The following NOL4L variants were observed in gnomAD, a reference collection of about 807,000 sequenced individuals.
NOL4L encodes the protein nucleolar protein 4-like.
In NOL4L, 7 loss-of-function variants were observed where a neutral mutation model predicts 64.5. The ratio of observed to expected loss-of-function variants is 0.11; its 90% CI spans 0.06 to 0.20. The LOEUF (loss-of-function observed/expected upper bound fraction) is 0.20, where lower values mean the gene tolerates loss of function less well. Among genes scored for constraint, NOL4L ranks in the 10% least tolerant of loss-of-function variants. The pLI is 1.00. For missense variants in NOL4L, 680 were observed against 967.1 expected (o/e 0.70, Z 3.94); for synonymous variants, 413 against 401.0 (o/e 1.03, Z -0.36).
intron 4 of NOL4L, among the ~76,000 whole-genome samples, chr20:32,478,947 A>G (rs1300357246): frequency 6.6e-6 from 1 of 152,190 alleles, no homozygotes; most frequent in East Asian, 1.9e-4. Context: ...AAAACACACA[A>G]TACAAAAATA....
intron 1 of NOL4L, among the ~76,000 whole-genome samples, chr20:32,530,494 TCGCGCCAC>T (rs1045035685): frequency 4.6e-5 from 7 of 151,120 alleles, no homozygotes; most frequent in African/African-American, 1.7e-4. Context: ...TGAGCCGAGA[TCGCGCCAC>T]CGCACTCCAG....
At chr20:32,494,818 A>G (rs960429221) in intron 4 of NOL4L, among the ~76,000 whole-genome samples, 1 of 152,188 alleles carries the variant, frequency 6.6e-6, no homozygotes, top group African/African-American at 2.4e-5. Flanking sequence ...CACCAACCCA[A>G]CATTGCAAAT....
At chr20:32,495,740 T>G (rs1456660944) in intron 4 of NOL4L, among the ~76,000 whole-genome samples, 2 of 151,992 alleles carry the variant, frequency 1.3e-5, no homozygotes, top group African/African-American at 4.8e-5. Context: ...GGGGAATGCT[T>G]AAGCCCAGGA....
chr20:32,489,459 A>C (rs1477923265), intron 4 of NOL4L, among the ~76,000 whole-genome samples: 1 of 151,910 alleles, frequency 6.6e-6, no homozygotes, highest in Non-Finnish European at 1.5e-5. Context: ...GACTCAAGCA[A>C]TCCTCCTGCC....
At chr20:32,556,096 A>C (rs1175019210) in intron 1 of NOL4L, among the ~76,000 whole-genome samples, 1 of 152,196 alleles carries the variant, frequency 6.6e-6, no homozygotes, top group African/African-American at 2.4e-5. Flanking sequence ...CCAGGTGCAT[A>C]GTAGGCCCCC....
intron 1 of NOL4L, among the ~76,000 whole-genome samples, chr20:32,530,432 T>C (rs2018303024): frequency 6.6e-6 from 1 of 151,912 alleles, no homozygotes; most frequent in Non-Finnish European, 1.5e-5. Flanking sequence ...TCCCGGCTAC[T>C]CGGGAGGCTG....
chr20:32,455,265 A>G lies in NOL4L; in HGVS notation c.1119+853T>C, dbSNP rs561359050. Reference sequence around the variant, plus strand: ...TCACCCCCTTCATGGAACAGCAGCTATGCCTGTCCCTTGGACCCAGGCAAA... The same window carrying G: ...TCACCCCCTTCATGGAACAGCAGCTGTGCCTGTCCCTTGGACCCAGGCAAA... On this transcript the variant is annotated intron_variant, in intron 6 of 10. Coordinates refer to ENST00000621426, the MANE Select transcript of NOL4L (RefSeq NM_001256798.2). Among the ~76,000 whole-genome samples the G allele has an allele frequency of 3.3e-5, 5 of 152,326 alleles. No homozygotes were observed. The East Asian group carries it at 7.7e-4, about 24-fold the overall frequency.
At chr20:32,582,627 C>T (rs1446764855) in intron 1 of NOL4L, among the ~76,000 whole-genome samples, 1 of 151,780 alleles carries the variant, frequency 6.6e-6, no homozygotes, top group Non-Finnish European at 1.5e-5. Context: ...ACTCAGGGCT[C>T]CTGCCTCAGA....
chr20:32,447,760 G>A lies in NOL4L; in HGVS notation c.1879C>T (p.Pro627Ser), dbSNP rs148090404. The stretch of plus-strand genomic sequence containing the variant: ...CTGGTGCTGGTGCTGGAGGGGGTGG[G>A]CGTGGGGGTGGTGGAGGTGGTAGAG... ...GASTTSTTPT[P>S]TPSSTSTSRP... is the part of the protein sequence containing the mutation. The change falls in exon 11 of 11, where the codon CCC becomes TCC. Residue 627 changes from proline (P) to serine (S), a missense_variant. This residue lies in a region of NOL4L where 175 missense variants were observed against 227.0 expected (regional missense o/e 0.77). Transcript: ENST00000621426. 4.4e-6 allele frequency: 7 copies of A among 1,591,672 alleles called. No individual in the cohort carries two copies. The highest frequency in any genetic ancestry group is 6.0e-6 in the Non-Finnish European group (7 of 1,166,154).
chr20:32,498,719 C>T (rs2016793833), intron 4 of NOL4L, among the ~76,000 whole-genome samples: 1 of 147,240 alleles, frequency 6.8e-6, no homozygotes, highest in Non-Finnish European at 1.5e-5. Context: ...GCTGTGATTG[C>T]ACCACTGCAC....
intron 10 of NOL4L, chr20:32,449,913 C>T (rs1229216979): frequency 1.3e-5 from 2 of 152,404 alleles, no homozygotes; most frequent in African/African-American, 4.8e-5. Flanking sequence ...TTCTCCTCTC[C>T]CCAAGTGCTA....
At chr20:32,555,671 G>A (rs1418032386) in intron 1 of NOL4L, among the ~76,000 whole-genome samples, 1 of 152,106 alleles carries the variant, frequency 6.6e-6, no homozygotes, top group African/African-American at 2.4e-5. Flanking sequence ...TAGGAATGAT[G>A]TCTTCCCAAG....
intron 4 of NOL4L, chr20:32,475,273 T>TTCCTCCTTCCTA: frequency 5.1e-6 from 5 of 985,476 alleles, no homozygotes; most frequent in Non-Finnish European, 6.0e-6. Flanking sequence ...CGTTTCTGTC[T>TTCCTCCTTCCTA]TCCTCCTTCC....
intron 5 of NOL4L, among the ~76,000 whole-genome samples, chr20:32,468,396 GC>G (rs1297297842): frequency 2.0e-5 from 3 of 151,938 alleles, no homozygotes; most frequent in African/African-American, 7.3e-5. Context: ...TCCCTTCCCA[GC>G]CCCCTGCTGC....
rs895726703 is a variant in NOL4L, at chr20:32,538,474, C to G, written c.322-10561G>C. On this transcript the variant is annotated intron_variant, in intron 1 of 10. Transcript: ENST00000621426. ...CCCTCCCTCCCTCGCTCCCTCCCTC[C>G]CTCCCTCCCTCCCTCCCTCCCTCCC... 8.6e-4 allele frequency among the ~76,000 whole-genome samples: 64 copies of G among 74,820 alleles called. 3 individuals carry two copies. The highest frequency in any genetic ancestry group is 8.4e-5 in the African/African-American group (2 of 23,704). 49.1% of individuals were successfully genotyped at this position (74,820 alleles called of 152,430 possible). A position where few individuals can be genotyped will look rare whatever the true frequency, so the allele number is the denominator to read the frequency against.
chr20:32,542,514 GGC>G (rs2018672712), intron 1 of NOL4L, among the ~76,000 whole-genome samples: 1 of 152,056 alleles, frequency 6.6e-6, no homozygotes, highest in African/African-American at 2.4e-5. Context: ...CACTACACCT[GGC>G]TAATCTTTTT....
chr20:32,531,322 T>C (rs773614738), intron 1 of NOL4L, among the ~76,000 whole-genome samples: 8 of 151,992 alleles, frequency 5.3e-5, no homozygotes, highest in Non-Finnish European at 8.8e-5. Flanking sequence ...AATTTCCCCC[T>C]AACCAGCTTG....
At position 32,504,613 on chromosome 20, in the gene NOL4L, C is replaced by CT. The variant is rs1234890998; in HGVS notation, c.699+6733dup. ...AAACATCTCAAAACCTCTGCAGCTGCTTTTTTTTTTTTGACTGAGTCTTGC... is the reference window on the plus strand; with the variant it reads ...AAACATCTCAAAACCTCTGCAGCTGCTTTTTTTTTTTTTGACTGAGTCTTGC... On this transcript the variant is annotated intron_variant, in intron 4 of 10. Coordinates refer to ENST00000621426, the MANE Select transcript of NOL4L (RefSeq NM_001256798.2). Among the ~76,000 whole-genome samples, 518 of 141,776 alleles carry CT rather than the reference C, an allele frequency of 3.7e-3. 1 individual carries two copies. The highest frequency in any genetic ancestry group is 0.011 in the Middle Eastern group (3 of 274). The allele number at this position is 141,776 out of a possible 152,430, so 93.0% of individuals were successfully genotyped here.
chr20:32,503,157 A>G (rs2016993810), intron 4 of NOL4L, among the ~76,000 whole-genome samples: 1 of 152,160 alleles, frequency 6.6e-6, no homozygotes, highest in African/African-American at 2.4e-5. Flanking sequence ...CAAGGACAGT[A>G]TTTCAGCTGC....
Sources: gnomAD v4.1 joint callset for allele counts (sites outside exome capture counted in the v4.1 genomes callset) on GRCh38, gnomAD v4.1.1 for gene constraint, gnomAD v4.1.1 regional missense constraint, MANE v1.5 for transcripts, NCBI Gene and HGNC (gene_info 2026-07-23, HGNC 2026-07-21) for gene names.